The following ASIC2 variants were observed in gnomAD, a reference collection of about 807,000 sequenced individuals.
ASIC2 encodes the protein acid-sensing ion channel 2.
Under a neutral mutation model 57.3 loss-of-function variants are expected in ASIC2, and 25 were observed. The observed-to-expected ratio is 0.44, with a 90% CI of 0.32 to 0.61. The LOEUF is 0.61. Ranked by LOEUF, ASIC2 falls within the 20% of genes least tolerant of loss-of-function variation. The probability of loss-of-function intolerance (pLI) is 0.06; values close to 1 mark genes in which losing one functional copy is unlikely to be tolerated. For missense variants in ASIC2, 641 were observed against 738.1 expected (o/e 0.87, Z 1.52); for synonymous variants, 319 against 307.5 (o/e 1.04, Z -0.39).
intron 9 of ASIC2, among the ~76,000 whole-genome samples, chr17:33,015,208 C>T (rs946424101): frequency 5.3e-5 from 8 of 152,180 alleles, no homozygotes; most frequent in African/African-American, 1.7e-4. Context: ...TCAATGGGCA[C>T]CGTTTTCCAG....
chr17:33,253,697 G>A (rs1908961055), intron 1 of ASIC2, among the ~76,000 whole-genome samples: 2 of 152,136 alleles, frequency 1.3e-5, no homozygotes, highest in South Asian at 4.2e-4. Flanking sequence ...CCTGAGACTG[G>A]TTTTCACGAA....
intron 1 of ASIC2, among the ~76,000 whole-genome samples, chr17:33,256,056 A>G (rs1345875438): frequency 6.6e-6 from 1 of 152,210 alleles, no homozygotes; most frequent in Non-Finnish European, 1.5e-5. Context: ...TTTATACCAG[A>G]CTAATTACCA....
intron 1 of ASIC2, among the ~76,000 whole-genome samples, chr17:34,050,095 A>C (rs1375492902): frequency 1.3e-5 from 2 of 152,224 alleles, no homozygotes; most frequent in Non-Finnish European, 2.9e-5. Flanking sequence ...TCTGATCCCC[A>C]TCCCAAAACT....
At chr17:33,610,057 C>T (rs1344636542) in intron 1 of ASIC2, among the ~76,000 whole-genome samples, 1 of 128,386 alleles carries the variant, frequency 7.8e-6, no homozygotes, top group Non-Finnish European at 1.8e-5. Flanking sequence ...CAGAGGCGCA[C>T]ACACACACAC....
intron 1 of ASIC2, among the ~76,000 whole-genome samples, chr17:33,850,903 C>T (rs1348104185): frequency 6.6e-6 from 1 of 151,890 alleles, no homozygotes; most frequent in East Asian, 1.9e-4. Flanking sequence ...TGGACTTGGC[C>T]GTCCCAGCCC....
chr17:34,004,875 G>A (rs960440873), intron 1 of ASIC2: 1 of 152,026 alleles, frequency 6.6e-6, no homozygotes, highest in Admixed American at 6.5e-5. Flanking sequence ...CAGCATGAGG[G>A]GTGGGTGGGG....
intron 1 of ASIC2, among the ~76,000 whole-genome samples, chr17:33,164,434 G>T (rs1567769372): frequency 7.3e-6 from 1 of 136,754 alleles, no homozygotes; most frequent in Non-Finnish European, 1.6e-5. Context: ...GTTATTGCTG[G>T]CGGGTAATTG....
chr17:33,756,292 C>T (rs1910602752), intron 1 of ASIC2, among the ~76,000 whole-genome samples: 1 of 152,224 alleles, frequency 6.6e-6, no homozygotes, highest in African/African-American at 2.4e-5. Flanking sequence ...ACCTGCAGGA[C>T]TTTCCAAACA....
intron 1 of ASIC2, among the ~76,000 whole-genome samples, chr17:33,823,619 T>C (rs924940141): frequency 6.6e-6 from 1 of 152,240 alleles, no homozygotes; most frequent in Non-Finnish European, 1.5e-5. Context: ...TCTTTCATTA[T>C]GTATGTCCTT....
chr17:33,145,365 T>A (rs1402654895), intron 1 of ASIC2, among the ~76,000 whole-genome samples: 18 of 152,218 alleles, frequency 1.2e-4, no homozygotes. Flanking sequence ...CATCCCTGCC[T>A]GCGGTCTGAG....
chr17:33,303,495 CA>C, intron 1 of ASIC2, among the ~76,000 whole-genome samples: 1 of 152,192 alleles, frequency 6.6e-6, no homozygotes, highest in Non-Finnish European at 1.5e-5. Context: ...TTTCCTCTTT[CA>C]ACATCGAAGT....
chr17:33,919,692 C>T (rs971378061), intron 1 of ASIC2, among the ~76,000 whole-genome samples: 1 of 152,126 alleles, frequency 6.6e-6, no homozygotes, highest in African/African-American at 2.4e-5. Flanking sequence ...TAAACTAAAT[C>T]GCTCTGCACA....
intron 1 of ASIC2, among the ~76,000 whole-genome samples, chr17:33,698,076 T>A (rs1908583735): frequency 6.6e-6 from 1 of 152,242 alleles, no homozygotes; most frequent in Non-Finnish European, 1.5e-5. Context: ...AGAACTACTT[T>A]ATATTCACAT....
chr17:33,924,917 T>C (rs1915793019), intron 1 of ASIC2, among the ~76,000 whole-genome samples: 1 of 152,152 alleles, frequency 6.6e-6, no homozygotes, highest in Admixed American at 6.5e-5. Context: ...GCCATGACAG[T>C]CACTTCTTGT....
At chr17:33,407,262 A>G (rs1013490218) in intron 1 of ASIC2, among the ~76,000 whole-genome samples, 2 of 152,230 alleles carry the variant, frequency 1.3e-5, no homozygotes, top group African/African-American at 2.4e-5. Context: ...AGGTCCCTCA[A>G]TAATAACTGG....
intron 1 of ASIC2, among the ~76,000 whole-genome samples, chr17:33,326,863 C>G (rs925595517): frequency 7.9e-5 from 12 of 152,210 alleles, no homozygotes; most frequent in African/African-American, 2.4e-4. Context: ...ACACCCACAA[C>G]ACTGCTCAGT....
At chr17:33,757,087 T>C (rs573296925) in intron 1 of ASIC2, among the ~76,000 whole-genome samples, 51 of 152,310 alleles carry the variant, frequency 3.3e-4, no homozygotes, top group African/African-American at 1.2e-3. Context: ...AGGACACTAA[T>C]GTTGGGCTCT....
intron 1 of ASIC2, among the ~76,000 whole-genome samples, chr17:34,056,386 A>G (rs1279637758): frequency 6.6e-6 from 1 of 152,184 alleles, no homozygotes; most frequent in Non-Finnish European, 1.5e-5. Flanking sequence ...GGAGGGATGG[A>G]AAATGGGTTT....
chr17:33,854,366 G>A (rs317417), intron 1 of ASIC2, among the ~76,000 whole-genome samples: 21,881 of 152,174 alleles, frequency 0.14, 1,971 homozygotes, highest in East Asian at 0.46. Flanking sequence ...TGTTGGATGT[G>A]CGTGTGATTT....
Sources: gnomAD v4.1 joint callset for allele counts (sites outside exome capture counted in the v4.1 genomes callset) on GRCh38, gnomAD v4.1.1 for gene constraint, MANE v1.5 for transcripts, NCBI Gene and HGNC (gene_info 2026-07-23, HGNC 2026-07-21) for gene names.